Variants in YIPF3 observed in about 807,000 individuals in gnomAD.
YIPF3 encodes the protein Yip1 domain family member 3.
In YIPF3, 18 loss-of-function variants were observed where a neutral mutation model predicts 40.3. The observed-to-expected ratio is 0.45, with a 90% CI of 0.31 to 0.66. The LOEUF (loss-of-function observed/expected upper bound fraction) is 0.66, where lower values mean the gene tolerates loss of function less well. Ranked by LOEUF, YIPF3 falls within the 30% of genes least tolerant of loss-of-function variation. The probability of loss-of-function intolerance (pLI) is 0.07; values close to 1 mark genes in which losing one functional copy is unlikely to be tolerated. For synonymous variants in YIPF3, 190 were observed against 179.6 expected (o/e 1.06, Z -0.46); for missense variants, 406 against 452.2 (o/e 0.90, Z 0.93).
At position 43,516,008 on chromosome 6, in the gene YIPF3, G is replaced by A. The variant is rs756897436; in HGVS notation, c.169C>T (p.Leu57=). The stretch of plus-strand genomic sequence containing the variant: ...TCAGCGTCTACTTCTTCCTCGCGCA[G>A]GCGCTGATGCAGCTCACCCATATCC... ...FEDMGELHQR[L]REEEVDADAA... The change falls in exon 2 of 9, where the codon CTG becomes TTG. Residue 57 remains leucine (L), a synonymous_variant. Transcript: ENST00000372422. The A allele has an allele frequency of 8.1e-6, 13 of 1,614,128 alleles. No homozygotes were observed. The East Asian group carries it at 8.9e-5, about 11-fold the overall frequency.
chr6:43,512,627 C>T, intron 7 of YIPF3, 64 bp from the exon 8 acceptor site: 1 of 1,556,466 alleles, frequency 6.4e-7, no homozygotes, highest in East Asian at 2.3e-5. Context: ...GACAAGACAC[C>T]CCCACCCAGG....
intron 7 of YIPF3, 53 bp from the exon 8 acceptor site, chr6:43,512,616 G>A: frequency 1.9e-6 from 3 of 1,567,856 alleles, no homozygotes; most frequent in Non-Finnish European, 2.6e-6. Context: ...TGAGGAGTGG[G>A]GACAAGACAC....
chr6:43,516,532 A>G (rs1472254623), intron 1 of YIPF3, 195 bp downstream of exon 1: 1 of 664,950 alleles, frequency 1.5e-6, no homozygotes, highest in Non-Finnish European at 2.4e-6. Flanking sequence ...CTGAAACCCG[A>G]GATCCTCAGG....
In YIPF3 at chr6:43,515,610, G is replaced by C. The variant is rs1280959097; in HGVS notation, c.380C>G (p.Ala127Gly). 6.2e-7 allele frequency: 1 copy of C among 1,613,390 alleles called. No individual in the cohort carries two copies. The highest frequency in any genetic ancestry group is 8.5e-7 in the Non-Finnish European group (1 of 1,180,026). ...GGCTCCTCACCTGCTTCGCACCTGA[G>C]CAGGCTCCACATCAAAGTAGGGTCT... ...ILRPYFDVEP[A>G]QVRSRLLESM... The change falls in exon 3 of 9, where the codon GCT (alanine) becomes GGT (glycine). Residue 127 changes from alanine to glycine, a missense_variant. Ala to Gly is a moderately conservative substitution (Grantham distance 60). Coordinates refer to ENST00000372422, the MANE Select transcript of YIPF3 (RefSeq NM_015388.4).
intron 1 of YIPF3, 178 bp downstream of exon 1, chr6:43,516,549 T>TAGTA: frequency 2.8e-6 from 2 of 721,466 alleles, no homozygotes; most frequent in Non-Finnish European, 4.5e-6. Flanking sequence ...CAGGCTGGAG[T>TAGTA]AGTAGTCTGG....
At chr6:43,512,930 C>T in intron 6 of YIPF3, 56 bp from the exon 7 acceptor site, 1 of 1,597,446 alleles carries the variant, frequency 6.3e-7, no homozygotes, top group Non-Finnish European at 8.5e-7. Context: ...CTTTCTGGCC[C>T]CTCATGGGGA....
At position 43,515,692 on chromosome 6, in the gene YIPF3, C is replaced by A; in HGVS notation, c.298G>T (p.Ala100Ser). The A allele has an allele frequency of 6.2e-7, 1 of 1,614,154 alleles. No homozygotes were observed. Among genetic ancestry groups the A allele is most frequent in the Non-Finnish European group, 8.5e-7 (1 of 1,180,040 alleles). The stretch of plus-strand genomic sequence containing the variant: ...GCCCTGGAGGCTTGTCTTTTCCCAG[C>A]CTGCCACATCTGAAGTAAGGAAGAT... ...SRQVADQMWQ[A>S]GKRQASRAFS... Residue 100 changes from alanine (A) to serine (S), a missense_variant, in exon 3 of 9, where the codon GCT becomes TCT. Transcript: ENST00000372422.
intron 2 of YIPF3, 52 bp downstream of exon 2, chr6:43,515,837 G>A (rs35079041): frequency 6.3e-4 from 993 of 1,587,416 alleles, no homozygotes; most frequent in Non-Finnish European, 8.2e-4. Context: ...TCCAGAACAC[G>A]GGACATACCT....
chr6:43,514,398 C>T (rs1009098063), intron 3 of YIPF3, among the ~76,000 whole-genome samples: 2 of 152,244 alleles, frequency 1.3e-5, no homozygotes, highest in African/African-American at 4.8e-5. Flanking sequence ...AAAACGCCTC[C>T]TCTTCCTGCT....
chr6:43,512,850 T>C lies in YIPF3; in HGVS notation c.691A>G (p.Ile231Val). 1.2e-6 allele frequency: 2 copies of C among 1,613,966 alleles called. No individual in the cohort carries two copies. Among genetic ancestry groups the C allele is most frequent in the Admixed American group, 1.7e-5 (1 of 60,014 alleles). Residue 231 changes from isoleucine to valine, a missense_variant, in exon 7 of 9, where the codon ATT becomes GTT. Transcript: ENST00000372422. ...LLGYGLFGHC[I>V]VLFITYNIHL... ...ATATTATAGGTGATGAACAGGACAA[T>C]GCAATGCCCAAAGAGGCCATAGCCC...
chr6:43,515,561 A>G (rs1261663144), intron 3 of YIPF3, 34 bp downstream of exon 3: 1 of 1,609,312 alleles, frequency 6.2e-7, no homozygotes, highest in Non-Finnish European at 8.5e-7. Flanking sequence ...TCTAGGTGTT[A>G]GGAGGGAAGC....
chr6:43,516,167 G>A (rs960258647), intron 1 of YIPF3, 72 bp from the exon 2 acceptor site: 2 of 1,587,374 alleles, frequency 1.3e-6, no homozygotes, highest in African/African-American at 1.3e-5. Context: ...TCATCCCAGG[G>A]TTTAGGGCTT....
rs939595716 is a variant in YIPF3, at chr6:43,512,017, C to T, written c.*150G>A. 41 of 1,273,184 alleles carry T rather than the reference C, an allele frequency of 3.2e-5. No homozygotes were observed. The highest frequency in any genetic ancestry group is 1.6e-4 in the African/African-American group (11 of 67,060). The allele number at this position is 1,273,184 out of a possible 1,614,324, so 78.9% of individuals were successfully genotyped here. A position where few individuals can be genotyped will look rare whatever the true frequency, so the allele number is the denominator to read the frequency against. ...TTGGCCTTGTGCCTTTCAGAAGTGCCGACAGGCATCAAGGAGGTACTTACG... is the reference window on the plus strand; with the variant it reads ...TTGGCCTTGTGCCTTTCAGAAGTGCTGACAGGCATCAAGGAGGTACTTACG... On this transcript the variant is annotated 3_prime_UTR_variant, in exon 9 of 9. Transcript: ENST00000372422.
rs1792855212 is a variant in YIPF3 at position 43,516,879 on chromosome 6, G to A, written c.-72C>T. ...CGGAGTGGGCAAGATGTGGGCCTCC[G>A]GAAGGTAGACGTCCAGGGTCGAGGA... is the stretch of plus-strand genomic sequence containing the variant. On this transcript the variant is annotated 5_prime_UTR_variant, in exon 1 of 9. Transcript: ENST00000372422. The A allele has an allele frequency of 6.7e-7, 1 of 1,501,270 alleles. No individual in the cohort carries two copies. Among genetic ancestry groups the A allele is most frequent in the Non-Finnish European group, 9.1e-7 (1 of 1,101,674 alleles). The allele number at this position is 1,501,270 out of a possible 1,614,324, so 93.0% of individuals were successfully genotyped here. A position where few individuals can be genotyped will look rare whatever the true frequency, so the allele number is the denominator to read the frequency against.
chr6:43,516,669 C>T (rs1792845345), intron 1 of YIPF3, 58 bp downstream of exon 1: 1 of 1,594,338 alleles, frequency 6.3e-7, no homozygotes, highest in Admixed American at 1.7e-5. Flanking sequence ...ATCCCCAAGA[C>T]ACTTCTGGAC....
In YIPF3 at chr6:43,512,818, G is replaced by A. The variant is rs773427861; in HGVS notation, c.723C>T (p.Leu241=). The A allele has an allele frequency of 6.2e-7, 1 of 1,614,104 alleles. No homozygotes were observed. Among genetic ancestry groups the A allele is most frequent in the East Asian group, 2.2e-5 (1 of 44,880 alleles). Residue 241 remains leucine, a synonymous_variant, in exon 7 of 9, where the codon CTC becomes CTT. Transcript: ENST00000372422. Reference sequence around the variant, plus strand: ...GCCAGAAGAGGTAGAAGAGGGCGTGGAGGTGGATATTATAGGTGATGAACA... The same window carrying A: ...GCCAGAAGAGGTAGAAGAGGGCGTGAAGGTGGATATTATAGGTGATGAACA... ...IVLFITYNIH[L]HALFYLFWLL...
Position 43,515,894 on chromosome 6 carries a change from C to T in YIPF3, c.283G>A (p.Asp95Asn). 1 of 1,595,046 alleles carries T rather than the reference C, an allele frequency of 6.3e-7. No homozygotes were observed. Reference sequence around the variant, plus strand: ...GAGGATTCAATCTTGCTTACCTGATCTGCCACCTGCCGGCTCAGCTGTCCC... The same window carrying T: ...GAGGATTCAATCTTGCTTACCTGATTTGCCACCTGCCGGCTCAGCTGTCCC... ...FKGQLSRQVA[D>N]QMWQAGKRQA... The change falls in exon 2 of 9, where the codon GAT (aspartate) becomes AAT (asparagine). Residue 95 changes from aspartate (D) to asparagine (N), a missense_variant. Coordinates refer to ENST00000372422, the MANE Select transcript of YIPF3 (RefSeq NM_015388.4).
Position 43,512,765 on chromosome 6 carries a change from C to A in YIPF3, c.776G>T (p.Arg259Leu). 1.9e-6 allele frequency: 3 copies of A among 1,612,738 alleles called. No homozygotes were observed. The highest frequency in any genetic ancestry group is 2.5e-6 in the Non-Finnish European group (3 of 1,179,576). Residue 259 changes from arginine (R) to leucine (L), a missense_variant, in exon 7 of 9, where the codon CGC (arginine) becomes CTC (leucine). Coordinates refer to ENST00000372422, the MANE Select transcript of YIPF3 (RefSeq NM_015388.4). ...WLLVGGLSTLRMVAVLVSRTV... is the reference protein window; with the variant it reads ...WLLVGGLSTLLMVAVLVSRTV... ...GAAGCCTCTTGCCCAGCTTACCATG[C>A]GCAGTGTGGACAGTCCACCCACCAA...
intron 3 of YIPF3, among the ~76,000 whole-genome samples, chr6:43,514,113 C>T (rs141513620): frequency 8.5e-5 from 13 of 152,120 alleles, no homozygotes; most frequent in Non-Finnish European, 1.8e-4. Context: ...TGGTGGCGGG[C>T]GCCTGTAGTC....
Sources: gnomAD v4.1 joint callset for allele counts (sites outside exome capture counted in the v4.1 genomes callset) on GRCh38, gnomAD v4.1.1 for gene constraint, MANE v1.5 for transcripts, NCBI Gene and HGNC (gene_info 2026-07-23, HGNC 2026-07-21) for gene names.